ZNF407: variants seen among roughly 807,000 people sequenced by gnomAD.
ZNF407 encodes the protein zinc finger protein 407.
A neutral mutation model predicts 131.2 loss-of-function variants in ZNF407; 17 were observed. That is an observed-to-expected ratio of 0.13 (90% CI 0.09 to 0.19). ZNF407 has a LOEUF of 0.19. ZNF407 is among the 10% of genes least tolerant of loss of function. The pLI, the probability that ZNF407 is intolerant of heterozygous loss-of-function variation, is 1.00. For missense variants in ZNF407, 2,681 were observed against 2,830.6 expected, an observed-to-expected ratio of 0.95 and a Z score of 1.20; for synonymous variants, 1,156 against 1,062.0, an observed-to-expected ratio of 1.09 and a Z score of -1.72.
chr18:74,678,168 TTA>T (rs1277301692), intron 3 of ZNF407, among the ~76,000 whole-genome samples: 1 of 152,148 alleles, frequency 6.6e-6, no homozygotes, highest in Non-Finnish European at 1.5e-5. Context: ...AGCAGAATCA[TTA>T]CAGTAATAAC....
chr18:75,065,208 G>A lies in ZNF407; in HGVS notation c.*740G>A, dbSNP rs891524667. The stretch of plus-strand genomic sequence containing the variant: ...GTTAAAATATATGTCGGTGGAGATA[G>A]CCAGTGCTTCTAATTTTGACTTAGT... On this transcript the variant is annotated 3_prime_UTR_variant, in exon 9 of 9. Transcript: ENST00000299687. 1 of 152,300 alleles carries A rather than the reference G, an allele frequency of 6.6e-6. No homozygotes were observed. The highest frequency in any genetic ancestry group is 6.5e-5 in the Admixed American group (1 of 15,280). 9.4% of individuals were successfully genotyped at this position (152,300 alleles called of 1,614,324 possible). A position where few individuals can be genotyped will look rare whatever the true frequency, so the allele number is the denominator to read the frequency against.
intron 4 of ZNF407, among the ~76,000 whole-genome samples, chr18:74,843,637 C>T (rs1485247474): frequency 1.3e-5 from 2 of 152,178 alleles, no homozygotes; most frequent in African/African-American, 4.8e-5. Context: ...AACTTATACT[C>T]ATACTGGAGG....
chr18:74,685,688 C>T (rs1480360498), intron 3 of ZNF407, among the ~76,000 whole-genome samples: 1 of 152,216 alleles, frequency 6.6e-6, no homozygotes, highest in Admixed American at 6.5e-5. Context: ...GGCGCATGCT[C>T]TCTCCTTAGC....
At chr18:74,980,024 G>A (rs978599022) in intron 8 of ZNF407, among the ~76,000 whole-genome samples, 2 of 151,842 alleles carry the variant, frequency 1.3e-5, no homozygotes, top group Non-Finnish European at 2.9e-5. Context: ...GAAATACTGC[G>A]AATATTATAT....
intron 8 of ZNF407, among the ~76,000 whole-genome samples, chr18:75,060,738 C>G (rs1973622528): frequency 6.6e-6 from 1 of 152,084 alleles, no homozygotes; most frequent in Admixed American, 6.5e-5. Flanking sequence ...ATCTCCTGAC[C>G]TCGTGATCCG....
chr18:74,709,892 T>C (rs1414991733), intron 3 of ZNF407, among the ~76,000 whole-genome samples: 1 of 152,234 alleles, frequency 6.6e-6, no homozygotes, highest in Non-Finnish European at 1.5e-5. Flanking sequence ...AGAAGCAACA[T>C]TCTGTGGAGG....
At chr18:74,601,333 G>A (rs1482506229) in intron 1 of ZNF407, among the ~76,000 whole-genome samples, 1 of 97,656 alleles carries the variant, frequency 1.0e-5, no homozygotes, top group Non-Finnish European at 2.3e-5. Flanking sequence ...GTATGTCTGT[G>A]TGTGTGTGTG....
Position 74,868,047 on chromosome 18 carries a change from T to C in ZNF407, c.4878-9150T>C, listed in dbSNP as rs573126606. Among the ~76,000 whole-genome samples the C allele has an allele frequency of 2.6e-5, 4 of 152,394 alleles. No homozygotes were observed. In the South Asian group the frequency reaches 8.3e-4, roughly 32 times the overall value. Reference sequence around the variant, plus strand: ...TTATGGATAAAATCCATCGTAGTTATATTTGTTAATTCATTCTAATGCTGT... The same window carrying C: ...TTATGGATAAAATCCATCGTAGTTACATTTGTTAATTCATTCTAATGCTGT... On this transcript the variant is annotated intron_variant, in intron 4 of 8. Coordinates refer to ENST00000299687, the MANE Select transcript of ZNF407 (RefSeq NM_017757.3).
intron 6 of ZNF407, among the ~76,000 whole-genome samples, chr18:74,885,693 T>C (rs1971299828): frequency 1.3e-5 from 2 of 152,132 alleles, no homozygotes; most frequent in South Asian, 4.1e-4. Context: ...GGGGAAGTGT[T>C]TTTTCTGCAA....
At chr18:74,644,285 C>T (rs1568143281) in intron 3 of ZNF407, among the ~76,000 whole-genome samples, 1 of 148,694 alleles carries the variant, frequency 6.7e-6, no homozygotes, top group Non-Finnish European at 1.5e-5. Context: ...TATTTAGGCA[C>T]TTGATGGATA....
In ZNF407 at chr18:75,065,301, T is replaced by C. The variant is rs1421449321; in HGVS notation, c.*833T>C. On this transcript the variant is annotated 3_prime_UTR_variant, in exon 9 of 9. Transcript: ENST00000299687. The stretch of plus-strand genomic sequence containing the variant: ...ATATTGTTCCTATCAATATTTTGCT[T>C]TTTATAACAAGGGTTTGTTCATATT... 1 of 152,256 alleles carries C rather than the reference T, an allele frequency of 6.6e-6. No individual in the cohort carries two copies. Among genetic ancestry groups the C allele is most frequent in the African/African-American group, 2.4e-5 (1 of 41,476 alleles). 9.4% of individuals were successfully genotyped at this position (152,256 alleles called of 1,614,324 possible).
intron 4 of ZNF407, among the ~76,000 whole-genome samples, chr18:74,872,349 A>G (rs1004032615): frequency 6.6e-6 from 1 of 152,150 alleles, no homozygotes; most frequent in African/African-American, 2.4e-5. Context: ...AAAAACCCAT[A>G]CTAATAAATG....
chr18:74,988,394 G>T (rs72965934), intron 8 of ZNF407, among the ~76,000 whole-genome samples: 2,475 of 151,866 alleles, frequency 0.016, 39 homozygotes, highest in Non-Finnish European at 0.021. Flanking sequence ...GAAAGAAAAA[G>T]AACTGATAAA....
chr18:75,028,518 C>A (rs934692671), intron 8 of ZNF407, among the ~76,000 whole-genome samples: 2 of 152,182 alleles, frequency 1.3e-5, no homozygotes, highest in Admixed American at 1.3e-4. Context: ...AGGACTTCAA[C>A]ACAGGAATTT....
chr18:74,821,476 C>T (rs538191856), intron 4 of ZNF407, among the ~76,000 whole-genome samples: 13 of 151,674 alleles, frequency 8.6e-5, no homozygotes, highest in African/African-American at 1.7e-4. Context: ...TGTGTCCATG[C>T]GTTCTCATTG....
chr18:74,626,515 A>G (rs2144650470), intron 1 of ZNF407, among the ~76,000 whole-genome samples: 1 of 152,308 alleles, frequency 6.6e-6, no homozygotes, highest in African/African-American at 2.4e-5. Flanking sequence ...CTCCCGCAGA[A>G]TATTATCTCA....
intron 3 of ZNF407, among the ~76,000 whole-genome samples, chr18:74,767,414 C>A (rs974002150): frequency 5.3e-5 from 8 of 152,066 alleles, no homozygotes; most frequent in Non-Finnish European, 8.8e-5. Flanking sequence ...CTGAATATTA[C>A]AGATTATATT....
At chr18:74,992,564 C>T (rs375133101) in intron 8 of ZNF407, among the ~76,000 whole-genome samples, 113 of 152,222 alleles carry the variant, frequency 7.4e-4, no homozygotes, top group African/African-American at 2.6e-3. Context: ...GCTGAGGATT[C>T]GTGGATAAGA....
intron 8 of ZNF407, among the ~76,000 whole-genome samples, chr18:74,936,332 A>G (rs931663407): frequency 9.2e-5 from 14 of 152,184 alleles, no homozygotes; most frequent in African/African-American, 2.7e-4. Context: ...AAAGTGTAGG[A>G]TACAGTATTT....
Sources: gnomAD v4.1 joint callset for allele counts (sites outside exome capture counted in the v4.1 genomes callset) on GRCh38, gnomAD v4.1.1 for gene constraint, MANE v1.5 for transcripts, NCBI Gene and HGNC (gene_info 2026-07-23, HGNC 2026-07-21) for gene names.